SBK3: variants seen among roughly 807,000 people sequenced by gnomAD.
SBK3 encodes uncharacterized serine/threonine-protein kinase SBK3.
Under a neutral mutation model 12.7 loss-of-function variants are expected in SBK3, and 16 were observed. The observed-to-expected ratio is 1.26, with a 90% CI of 0.86 to 1.92. SBK3 has a LOEUF of 1.92. SBK3 is among the 40% of genes most tolerant of loss of function. SBK3 has a pLI of 0.00. For missense variants in SBK3, 462 were observed against 481.8 expected (o/e 0.96, Z 0.38); for synonymous variants, 217 against 213.6 (o/e 1.02, Z -0.14).
Position 55,545,214 on chromosome 19 carries a change from G to C in SBK3, c.46-265C>G. The C allele has an allele frequency of 1.7e-6, 1 of 579,394 alleles. No individual in the cohort carries two copies. The highest frequency in any genetic ancestry group is 2.9e-5 in the East Asian group (1 of 33,934). 35.9% of individuals were successfully genotyped at this position (579,394 alleles called of 1,614,324 possible). A position where few individuals can be genotyped will look rare whatever the true frequency, so the allele number is the denominator to read the frequency against. On this transcript the variant is annotated intron_variant, in intron 1 of 3. Coordinates refer to ENST00000612221, the MANE Select transcript of SBK3 (RefSeq NM_001199824.2). The surrounding 1 kb of genome is among the most constrained non-coding windows in gnomAD (Gnocchi z 4.4). ...CCAGGAGCCCCCAGCCCCGAGTGGGGGTGCATCCTCAGCCCACACAGTCCC... is the reference window on the plus strand; with the variant it reads ...CCAGGAGCCCCCAGCCCCGAGTGGGCGTGCATCCTCAGCCCACACAGTCCC...
In SBK3 at chr19:55,541,434, G is replaced by C; in HGVS notation, c.492C>G (p.Val164=). The stretch of plus-strand genomic sequence containing the variant: ...CGAAGACCAGCACGTTGTCAGGTTT[G>C]ACATCTGCGTGGACCAGCCCCCGGC... ...LHSRGLVHAD[V]KPDNVLVFDP... Residue 164 remains valine, a synonymous_variant, in exon 4 of 4, where the codon GTC becomes GTG. Coordinates refer to ENST00000612221, the MANE Select transcript of SBK3 (RefSeq NM_001199824.2). The surrounding 1 kb of genome is among the most constrained non-coding windows in gnomAD (Gnocchi z 5.3). 1 of 1,535,820 alleles carries C rather than the reference G, an allele frequency of 6.5e-7. No homozygotes were observed. The highest frequency in any genetic ancestry group is 2.4e-5 in the East Asian group (1 of 40,912).
chr19:55,542,247 C>T (rs1568496125), intron 3 of SBK3, among the ~76,000 whole-genome samples: 1 of 152,224 alleles, frequency 6.6e-6, no homozygotes, highest in Non-Finnish European at 1.5e-5. Context: ...ATTCCACCAA[C>T]CAGTCAGCAA....
At position 55,544,847 on chromosome 19, in the gene SBK3, C is replaced by T; in HGVS notation, c.148G>A (p.Gly50Ser). ...RDQYHLIRKL[G>S]SGSYGRVLLA... The stretch of plus-strand genomic sequence containing the variant: ...AGCACGCGGCCGTAGGAGCCGGAGC[C>T]CAGCTTCCGGATGAGGTGGTACTGG... Residue 50 changes from glycine to serine, a missense_variant, in exon 2 of 4, where the codon GGC (glycine) becomes AGC (serine). Physicochemically the swap from Gly to Ser is moderately conservative, Grantham distance 56. Transcript: ENST00000612221. 2.6e-6 allele frequency: 4 copies of T among 1,532,306 alleles called. No homozygotes were observed. The highest frequency in any genetic ancestry group is 3.5e-6 in the Non-Finnish European group (4 of 1,145,342). 94.9% of individuals were successfully genotyped at this position (1,532,306 alleles called of 1,614,324 possible).
chr19:55,543,219 T>C (rs1418832777), intron 3 of SBK3, among the ~76,000 whole-genome samples: 1 of 66,506 alleles, frequency 1.5e-5, no homozygotes, highest in Non-Finnish European at 2.8e-5. Context: ...CATCCATCCA[T>C]CCACCCACCC....
Position 55,544,794 on chromosome 19 carries a change from C to T in SBK3, c.196+5G>A, listed in dbSNP as rs1013315631. 8.0e-6 allele frequency: 12 copies of T among 1,491,040 alleles called. No individual in the cohort carries two copies. The highest frequency in any genetic ancestry group is 4.5e-5 in the Admixed American group (2 of 44,282). The allele number at this position is 1,491,040 out of a possible 1,614,324, so 92.4% of individuals were successfully genotyped here. The stretch of plus-strand genomic sequence containing the variant: ...GGGAGGCTGCCCTTGGGTGGCTGAA[C>T]TCACCCCCCTGGTGAGGCTGGGCAA... On this transcript the variant is annotated splice_donor_5th_base_variant and intron_variant, in intron 2 of 3. Coordinates refer to ENST00000612221, the MANE Select transcript of SBK3 (RefSeq NM_001199824.2).
In SBK3 at chr19:55,545,013, G is replaced by T. The variant is rs975496202; in HGVS notation, c.46-64C>A. 4.6e-6 allele frequency: 6 copies of T among 1,307,118 alleles called. No individual in the cohort carries two copies. The Admixed American group carries it at 9.2e-5, about 20-fold the overall frequency. 81.0% of individuals were successfully genotyped at this position (1,307,118 alleles called of 1,614,324 possible). On this transcript the variant is annotated intron_variant, in intron 1 of 3. Transcript: ENST00000612221. The surrounding 1 kb of genome is among the most constrained non-coding windows in gnomAD (Gnocchi z 4.4). ...GGGTCCACTGAGAGTGGTGGGGGAG[G>T]AGGTCACGGCGCAGCCCCAGGATGG...
chr19:55,544,581 T>C (rs1421144563), intron 2 of SBK3, among the ~76,000 whole-genome samples: 1 of 152,040 alleles, frequency 6.6e-6, no homozygotes, highest in Non-Finnish European at 1.5e-5. Flanking sequence ...CAACTTGAGT[T>C]GCATACCTGT....
At chr19:55,542,491 CCAT>C (rs1244555394) in intron 3 of SBK3, among the ~76,000 whole-genome samples, 198 of 148,866 alleles carry the variant, frequency 1.3e-3, no homozygotes, top group Non-Finnish European at 1.4e-3. Flanking sequence ...ATCCATCCAT[CCAT>C]CCACCCACCA....
At position 55,544,800 on chromosome 19, in the gene SBK3, C is replaced by A; in HGVS notation, c.195G>T (p.Gly65=). The A allele has an allele frequency of 6.6e-7, 1 of 1,505,556 alleles. No individual in the cohort carries two copies. The highest frequency in any genetic ancestry group is 8.8e-7 in the Non-Finnish European group (1 of 1,132,348). 93.3% of individuals were successfully genotyped at this position (1,505,556 alleles called of 1,614,324 possible). ...GRVLLAQPHQ[G]GPAVALKLLR... ...CTGCCCTTGGGTGGCTGAACTCACC[C>A]CCCTGGTGAGGCTGGGCAAGGAGCA... The change falls in exon 2 of 4, where the codon GGG becomes GGT. Residue 65 remains glycine, a splice_region_variant and synonymous_variant. Transcript: ENST00000612221.
chr19:55,543,227 CCCATCCATCCACCCAT>C (rs1247267943), intron 3 of SBK3, among the ~76,000 whole-genome samples: 1 of 127,392 alleles, frequency 7.8e-6, no homozygotes. Flanking sequence ...CATCCACCCA[CCCATCCATCCACCCAT>C]GGATCCTTCC....
rs894185412 is a variant in SBK3, at chr19:55,541,978, T to C, written c.400-452A>G. ...CTAACTCAAACACTCAGGCCCACTG[T>C]GAACATTTCTTATATATCTTTTGTA... On this transcript the variant is annotated intron_variant, in intron 3 of 3. Transcript: ENST00000612221. This position sits in a 1 kb window ranked among gnomAD's most constrained non-coding sequence, Gnocchi z 5.3. 6.6e-6 allele frequency among the ~76,000 whole-genome samples: 1 copy of C among 152,360 alleles called. No individual in the cohort carries two copies.
Position 55,544,137 on chromosome 19 carries a change from G to T in SBK3, c.362C>A (p.Ala121Glu), listed in dbSNP as rs923765048. ...CATCCCGCTGAGGTCCCCACAGGGC[G>T]CGTACTCCTGGGCGAAGGCAAAATA... is the stretch of plus-strand genomic sequence containing the variant. ...PRYFAFAQEYAPCGDLSGMLQ... is the reference protein window; with the variant it reads ...PRYFAFAQEYEPCGDLSGMLQ... Residue 121 changes from alanine to glutamate, a missense_variant, in exon 3 of 4, where the codon GCG (alanine) becomes GAG (glutamate). Ala to Glu is a moderately radical substitution (Grantham distance 107, BLOSUM62 -1). Transcript: ENST00000612221. 2 of 1,532,018 alleles carry T rather than the reference G, an allele frequency of 1.3e-6. No individual in the cohort carries two copies. The highest frequency in any genetic ancestry group is 2.4e-5 in the East Asian group (1 of 40,878). 94.9% of individuals were successfully genotyped at this position (1,532,018 alleles called of 1,614,324 possible). A position where few individuals can be genotyped will look rare whatever the true frequency, so the allele number is the denominator to read the frequency against.
intron 3 of SBK3, among the ~76,000 whole-genome samples, chr19:55,543,153 TCATCCACC>T (rs1174351296): frequency 4.2e-5 from 3 of 71,676 alleles, no homozygotes; most frequent in Non-Finnish European, 5.6e-5. Context: ...ACCAATCCTT[TCATCCACC>T]CATCCACCCA....
rs991706058 is a variant in SBK3, at chr19:55,541,669, T to C, written c.400-143A>G. 6.5e-6 allele frequency: 4 copies of C among 611,446 alleles called. No homozygotes were observed. Among genetic ancestry groups the C allele is most frequent in the Non-Finnish European group, 1.1e-5 (4 of 362,910 alleles). 37.9% of individuals were successfully genotyped at this position (611,446 alleles called of 1,614,324 possible). A position where few individuals can be genotyped will look rare whatever the true frequency, so the allele number is the denominator to read the frequency against. On this transcript the variant is annotated intron_variant, in intron 3 of 3. Transcript: ENST00000612221. This position sits in a 1 kb window ranked among gnomAD's most constrained non-coding sequence, Gnocchi z 5.3. The stretch of plus-strand genomic sequence containing the variant: ...TGCTGGGATTATAGGCATGAGGCAC[T>C]GCACCAGTTGGTTCCTTCTGAATAA...
At chr19:55,544,681 A>C (rs1599950853) in intron 2 of SBK3, 118 bp downstream of exon 2, 2 of 996,012 alleles carry the variant, frequency 2.0e-6, no homozygotes, top group Admixed American at 3.0e-5. Context: ...CTTTCAGAGT[A>C]CCCCCACTGA....
chr19:55,542,875 T>TCCAC (rs1219079176), intron 3 of SBK3, among the ~76,000 whole-genome samples: 7 of 136,000 alleles, frequency 5.1e-5, no homozygotes, highest in Non-Finnish European at 1.1e-4. Flanking sequence ...CATCCATCCA[T>TCCAC]CCACCCACCA....
In SBK3 at chr19:55,541,048, G is replaced by C. The variant is rs540837317; in HGVS notation, c.878C>G (p.Thr293Ser). The stretch of plus-strand genomic sequence containing the variant: ...CAGGACAGCCAGTGGGGGGCTCCTA[G>C]TCTCGGGATCCAGGTCCAGAAGCCC... ...LQGLLDLDPE[T>S]RSPPLAVLDF... The change falls in exon 4 of 4, where the codon ACT becomes AGT. Residue 293 changes from threonine to serine, a missense_variant. By Grantham distance (58) the Thr-to-Ser change is moderately conservative. Coordinates refer to ENST00000612221, the MANE Select transcript of SBK3 (RefSeq NM_001199824.2). The surrounding 1 kb of genome is among the most constrained non-coding windows in gnomAD (Gnocchi z 5.3). 2 of 1,536,022 alleles carry C rather than the reference G, an allele frequency of 1.3e-6. No individual in the cohort carries two copies. Among genetic ancestry groups the C allele is most frequent in the South Asian group, 1.2e-5 (1 of 84,054 alleles).
In SBK3 at chr19:55,545,495, TCA is replaced by T; in HGVS notation, c.45+2_45+3del. ...GTCTTCCTCCCCTGGCTCCCGTCTCTCACCTCTGGGTCCCCATCCTCAGGGGT... is the reference window on the plus strand; with the variant it reads ...GTCTTCCTCCCCTGGCTCCCGTCTCTCCTCTGGGTCCCCATCCTCAGGGGT... On this transcript the variant is annotated splice_donor_variant and splice_donor_region_variant and intron_variant, in intron 1 of 3. Coordinates refer to ENST00000612221, the MANE Select transcript of SBK3 (RefSeq NM_001199824.2). LOFTEE classifies it high-confidence loss of function. This position sits in a 1 kb window ranked among gnomAD's most constrained non-coding sequence, Gnocchi z 4.4. The T allele has an allele frequency of 6.5e-7, 1 of 1,533,016 alleles. No homozygotes were observed. The highest frequency in any genetic ancestry group is 1.2e-5 in the South Asian group (1 of 83,884). 95.0% of individuals were successfully genotyped at this position (1,533,016 alleles called of 1,614,324 possible). A position where few individuals can be genotyped will look rare whatever the true frequency, so the allele number is the denominator to read the frequency against.
intron 2 of SBK3, 147 bp from the exon 3 acceptor site, chr19:55,544,449 T>G (rs1420989413): frequency 1.1e-5 from 8 of 698,390 alleles, no homozygotes; most frequent in Non-Finnish European, 1.6e-5. Flanking sequence ...GGAGGAGACC[T>G]TCTTTGAAGA....
Sources: allele counts gnomAD v4.1 joint callset (sites outside exome capture counted in the v4.1 genomes callset), GRCh38; gene constraint gnomAD v4.1.1; non-coding constraint Gnocchi (gnomAD v3.1); transcripts MANE v1.5; gene names NCBI Gene and HGNC (gene_info 2026-07-23, HGNC 2026-07-21).